The following STAG1 variants were observed in gnomAD, a reference collection of about 807,000 sequenced individuals.
STAG1 encodes the protein cohesin subunit SA-1.
In STAG1, 26 loss-of-function variants were observed where a neutral mutation model predicts 170.9. The observed-to-expected ratio is 0.15, with a 90% CI of 0.11 to 0.21. The LOEUF is 0.21. Ranked by LOEUF, STAG1 falls within the 10% of genes least tolerant of loss-of-function variation. The pLI, the probability that STAG1 is intolerant of heterozygous loss-of-function variation, is 1.00. For missense variants in STAG1, 964 were observed against 1,509.5 expected (o/e 0.64, Z 5.99); for synonymous variants, 514 against 497.7 (o/e 1.03, Z -0.44).
At chr3:136,456,448 G>C (rs1263298487) in intron 13 of STAG1, among the ~76,000 whole-genome samples, 1 of 152,102 alleles carries the variant, frequency 6.6e-6, no homozygotes, top group African/African-American at 2.4e-5. Flanking sequence ...CAGAACTTAT[G>C]AAATTACCTA....
At chr3:136,434,416 T>C (rs2088395698) in intron 15 of STAG1, among the ~76,000 whole-genome samples, 2 of 152,218 alleles carry the variant, frequency 1.3e-5, no homozygotes. Context: ...TGGTTATTAT[T>C]TTGCTCCTTC....
intron 1 of STAG1, among the ~76,000 whole-genome samples, chr3:136,702,649 G>A (rs1181360552): frequency 6.6e-6 from 1 of 152,106 alleles, no homozygotes; most frequent in Non-Finnish European, 1.5e-5. Flanking sequence ...GCCTCCCAAA[G>A]TGCTGGAATT....
intron 1 of STAG1, among the ~76,000 whole-genome samples, chr3:136,722,646 CTCTCCCCTCTCCCT>C (rs1431154812): frequency 6.7e-5 from 10 of 148,988 alleles, no homozygotes; most frequent in South Asian, 2.1e-4. Flanking sequence ...CTCCCCCTCC[CTCTCCCCTCTCCCT>C]TCTCCCCTCT....
intron 15 of STAG1, among the ~76,000 whole-genome samples, chr3:136,441,775 TG>T (rs2088639719): frequency 6.6e-6 from 1 of 152,182 alleles, no homozygotes; most frequent in South Asian, 2.1e-4. Context: ...AACAGTATCT[TG>T]CTTAATCTTC....
intron 1 of STAG1, chr3:136,721,619 G>A (rs1336258413): frequency 6.6e-6 from 1 of 152,216 alleles, no homozygotes; most frequent in African/African-American, 2.4e-5. Flanking sequence ...GCCGGGCGCG[G>A]TGACTCTCGC....
intron 9 of STAG1, among the ~76,000 whole-genome samples, chr3:136,496,002 G>A (rs936566859): frequency 1.3e-5 from 2 of 151,198 alleles, no homozygotes; most frequent in Admixed American, 1.3e-4. Flanking sequence ...AAATTAGCTG[G>A]GCGTGGTGGT....
At chr3:136,388,293 C>G (rs915208796) in intron 22 of STAG1, among the ~76,000 whole-genome samples, 1 of 152,104 alleles carries the variant, frequency 6.6e-6, no homozygotes, top group African/African-American at 2.4e-5. Flanking sequence ...AAAATTCAAA[C>G]TCAATTTTAA....
rs1403368588 is a variant in STAG1, at chr3:136,521,217, C to G, written c.672G>C (p.Leu224=). 6.2e-7 allele frequency: 1 copy of G among 1,612,814 alleles called. No individual in the cohort carries two copies. Among genetic ancestry groups the G allele is most frequent in the Non-Finnish European group, 8.5e-7 (1 of 1,179,140 alleles). The change falls in exon 7 of 34, where the codon CTG becomes CTC. Residue 224 remains leucine (L), a synonymous_variant. Coordinates refer to ENST00000383202, the MANE Select transcript of STAG1 (RefSeq NM_005862.3). ...QVRAFRHTST[L]AAMKLMTALV... ...AATAAAATGTTAATTACTTACCAGC[C>G]AGGGTACTTGTATGCCTAAAAGCTC...
chr3:136,578,874 C>T (rs546746618), intron 4 of STAG1, among the ~76,000 whole-genome samples: 32 of 152,216 alleles, frequency 2.1e-4, no homozygotes, highest in Admixed American at 2.0e-3. Flanking sequence ...TGGCAGAAAC[C>T]CCATTATCAG....
chr3:136,600,594 C>CA (rs1425181504), intron 4 of STAG1, among the ~76,000 whole-genome samples: 1 of 152,200 alleles, frequency 6.6e-6, no homozygotes, highest in Non-Finnish European at 1.5e-5. Context: ...TGTAGTGGCA[C>CA]AATCTTGGCT....
intron 22 of STAG1, among the ~76,000 whole-genome samples, chr3:136,390,180 A>G (rs1216010287): frequency 6.6e-6 from 1 of 152,076 alleles, no homozygotes; most frequent in South Asian, 2.1e-4. Context: ...GCAAGCCTCT[A>G]TATCTAGGGA....
At position 136,369,080 on chromosome 3, in the gene STAG1, A is replaced by G. The variant is rs1216357269; in HGVS notation, c.2545+28T>C. ...TTTTGGGGTTGGTAAAAAAAAATCA[A>G]TATTGACAAGATGATAGCTACAAGT... On this transcript the variant is annotated intron_variant, in intron 24 of 33. Transcript: ENST00000383202. 5 of 1,451,028 alleles carry G rather than the reference A, an allele frequency of 3.4e-6. No individual in the cohort carries two copies. The South Asian group carries it at 7.7e-5, about 22-fold the overall frequency. The allele number at this position is 1,451,028 out of a possible 1,614,324, so 89.9% of individuals were successfully genotyped here.
chr3:136,667,657 A>G (rs1368304108), intron 1 of STAG1, among the ~76,000 whole-genome samples: 3 of 151,958 alleles, frequency 2.0e-5, no homozygotes, highest in African/African-American at 4.8e-5. Context: ...CACCACGCCC[A>G]GCTAAGTTTT....
chr3:136,608,705 G>A (rs1032478800), intron 3 of STAG1, among the ~76,000 whole-genome samples: 10 of 128,744 alleles, frequency 7.8e-5, no homozygotes, highest in South Asian at 2.7e-4. Context: ...TCAGCAGGCT[G>A]AAGTAGGAGA....
chr3:136,709,115 C>A (rs1172214521), intron 1 of STAG1, among the ~76,000 whole-genome samples: 1 of 151,696 alleles, frequency 6.6e-6, no homozygotes, highest in Admixed American at 6.6e-5. Flanking sequence ...CATGGTGAAA[C>A]CCTGTCTCTG....
chr3:136,634,365 C>CA (rs1451717846), intron 1 of STAG1, among the ~76,000 whole-genome samples: 1 of 150,600 alleles, frequency 6.6e-6, no homozygotes, highest in Non-Finnish European at 1.5e-5. Flanking sequence ...GCCCCCAAAA[C>CA]AAACAAACAA....
At chr3:136,660,019 A>T (rs1559935471) in intron 1 of STAG1, among the ~76,000 whole-genome samples, 1 of 152,170 alleles carries the variant, frequency 6.6e-6, no homozygotes, top group African/African-American at 2.4e-5. Context: ...TCTCTATAAA[A>T]TTTTTTAAAT....
intron 6 of STAG1, among the ~76,000 whole-genome samples, chr3:136,527,994 T>C (rs1935146679): frequency 6.6e-6 from 1 of 152,126 alleles, no homozygotes; most frequent in African/African-American, 2.4e-5. Flanking sequence ...AGTCTGCCCC[T>C]ATTTGGGGAT....
intron 8 of STAG1, among the ~76,000 whole-genome samples, chr3:136,500,944 A>G (rs772764389): frequency 1.1e-4 from 16 of 152,266 alleles, no homozygotes; most frequent in Non-Finnish European, 1.6e-4. Context: ...ATTACATTCA[A>G]GGTGGTATCT....
Sources: gnomAD v4.1 joint callset for allele counts (sites outside exome capture counted in the v4.1 genomes callset) on GRCh38, gnomAD v4.1.1 for gene constraint, MANE v1.5 for transcripts, NCBI Gene and HGNC (gene_info 2026-07-23, HGNC 2026-07-21) for gene names.